The following PMS1 variants were observed in gnomAD, a reference collection of about 807,000 sequenced individuals.
The protein encoded by PMS1 is PMS1 homolog 1, mismatch repair system component, also known as PMS1 protein homolog 1.
In PMS1, 79 loss-of-function variants were observed where a neutral mutation model predicts 93.1. The ratio of observed to expected loss-of-function variants is 0.85; its 90% CI spans 0.71 to 1.02. PMS1 has a LOEUF of 1.02. Among genes scored for constraint, PMS1 ranks in the 50% least tolerant of loss-of-function variants. The probability of loss-of-function intolerance (pLI) is 0.00; values close to 1 mark genes in which losing one functional copy is unlikely to be tolerated. For synonymous variants in PMS1, 335 were observed against 363.4 expected (o/e 0.92, Z 0.89); for missense variants, 1,064 against 1,085.3 (o/e 0.98, Z 0.28).
intron 4 of PMS1, among the ~76,000 whole-genome samples, chr2:189,813,442 T>G (rs770990196): frequency 2.0e-5 from 3 of 152,214 alleles, no homozygotes; most frequent in Non-Finnish European, 4.4e-5. Flanking sequence ...GATGCACATT[T>G]TGTCACACTT....
At chr2:189,828,149 C>T (rs955703681) in intron 5 of PMS1, among the ~76,000 whole-genome samples, 2 of 152,132 alleles carry the variant, frequency 1.3e-5, no homozygotes, top group Non-Finnish European at 2.9e-5. Context: ...TGGTCTCGAT[C>T]TCCTGACCTC....
At chr2:189,853,515 C>CTTTTTTTTTT (rs1160834468) in intron 7 of PMS1, among the ~76,000 whole-genome samples, 3 of 142,078 alleles carry the variant, frequency 2.1e-5, no homozygotes, top group African/African-American at 8.7e-5. Context: ...CTTTTCTTTT[C>CTTTTTTTTTT]TTTTCTTTTT....
In PMS1 at chr2:189,805,678, T is replaced by C. The variant is rs1327365171; in HGVS notation, c.342T>C (p.Ala114=). Reference sequence around the variant, plus strand: ...TTTTAATTACAACAAGAACGGCTGCTGATAATTTTAGCACCCAGTATGTTT... The same window carrying C: ...TTTTAATTACAACAAGAACGGCTGCCGATAATTTTAGCACCCAGTATGTTT... ...AEVLITTRTA[A]DNFSTQYVLD... The change falls in exon 4 of 13, where the codon GCT becomes GCC. Residue 114 remains alanine, a synonymous_variant. Coordinates refer to ENST00000441310, the MANE Select transcript of PMS1 (RefSeq NM_000534.5). The C allele has an allele frequency of 6.2e-6, 10 of 1,613,900 alleles. No homozygotes were observed. In the South Asian group the frequency reaches 9.9e-5, roughly 16 times the overall value.
Position 189,822,080 on chromosome 2 carries a change from G to A in PMS1, c.582+3900G>A, listed in dbSNP as rs569612985. On this transcript the variant is annotated intron_variant, in intron 5 of 12. Transcript: ENST00000441310. Reference sequence around the variant, plus strand: ...CGGGCCTCCACCTCCCCCTGCCTGCGCGTGTCCTGCGTGAGAGGGCAGAGG... The same window carrying A: ...CGGGCCTCCACCTCCCCCTGCCTGCACGTGTCCTGCGTGAGAGGGCAGAGG... 1.1e-3 allele frequency among the ~76,000 whole-genome samples: 162 copies of A among 152,316 alleles called. 1 individual carries two copies. The highest frequency in any genetic ancestry group is 8.1e-3 in the Admixed American group (124 of 15,308).
At chr2:189,799,834 T>G (rs1012770774) in intron 3 of PMS1, among the ~76,000 whole-genome samples, 1 of 151,626 alleles carries the variant, frequency 6.6e-6, no homozygotes, top group Non-Finnish European at 1.5e-5. Context: ...CTGGTTGAGG[T>G]GTTATAAACG....
At chr2:189,801,602 G>T (rs972434827) in intron 3 of PMS1, among the ~76,000 whole-genome samples, 1 of 152,158 alleles carries the variant, frequency 6.6e-6, no homozygotes, top group Non-Finnish European at 1.5e-5. Context: ...TAGAAATACA[G>T]AACAGTTTAT....
intron 9 of PMS1, among the ~76,000 whole-genome samples, chr2:189,856,884 G>A (rs2055390475): frequency 6.6e-6 from 1 of 152,012 alleles, no homozygotes; most frequent in African/African-American, 2.4e-5. Context: ...TGATTAATAG[G>A]CCTCATCTAA....
chr2:189,849,137 A>T (rs2054489595), intron 6 of PMS1, among the ~76,000 whole-genome samples: 1 of 151,974 alleles, frequency 6.6e-6, no homozygotes, highest in Non-Finnish European at 1.5e-5. Flanking sequence ...CCCACATGGG[A>T]AGAACTAATT....
intron 5 of PMS1, among the ~76,000 whole-genome samples, chr2:189,838,912 A>G (rs1391421352): frequency 6.6e-6 from 1 of 152,136 alleles, no homozygotes; most frequent in Non-Finnish European, 1.5e-5. Context: ...CTATCGGAAT[A>G]TTTTTTGAAT....
intron 10 of PMS1, among the ~76,000 whole-genome samples, chr2:189,864,828 C>G (rs1170294020): frequency 1.4e-5 from 2 of 146,850 alleles, no homozygotes; most frequent in African/African-American, 5.0e-5. Flanking sequence ...GCTCATTTCT[C>G]TGGTACATTA....
At chr2:189,859,482 A>G (rs1028629058) in intron 9 of PMS1, among the ~76,000 whole-genome samples, 2 of 152,168 alleles carry the variant, frequency 1.3e-5, no homozygotes, top group African/African-American at 2.4e-5. Context: ...GGAATCACCT[A>G]TGGAGCTCTG....
intron 3 of PMS1, among the ~76,000 whole-genome samples, chr2:189,800,986 C>G (rs542456793): frequency 6.6e-6 from 1 of 152,212 alleles, no homozygotes; most frequent in East Asian, 1.9e-4. Flanking sequence ...CTTAAACAGT[C>G]CAAAGAAGTA....
At chr2:189,805,799 C>T (rs757451303) in intron 4 of PMS1, 45 bp downstream of exon 4, 8 of 1,605,648 alleles carry the variant, frequency 5.0e-6, no homozygotes, top group African/African-American at 1.4e-5. Flanking sequence ...CCTTTTCTGT[C>T]TTAATTGTTG....
chr2:189,797,032 T>G (rs960481296), intron 3 of PMS1, among the ~76,000 whole-genome samples: 12 of 152,228 alleles, frequency 7.9e-5, no homozygotes, highest in Non-Finnish European at 1.3e-4. Context: ...TTTACTATAT[T>G]CAAGCACATT....
intron 6 of PMS1, among the ~76,000 whole-genome samples, chr2:189,845,594 C>T (rs2054187814): frequency 1.3e-5 from 2 of 151,908 alleles, no homozygotes; most frequent in South Asian, 4.2e-4. Flanking sequence ...TCTTAGACCC[C>T]ACTTATTTCT....
chr2:189,834,595 A>G (rs1410220969), intron 5 of PMS1, among the ~76,000 whole-genome samples: 2 of 152,386 alleles, frequency 1.3e-5, no homozygotes, highest in African/African-American at 2.4e-5. Context: ...TCCGATGTAA[A>G]TAAGATTTGA....
At chr2:189,844,786 T>G (rs2054118124) in intron 6 of PMS1, among the ~76,000 whole-genome samples, 1 of 151,988 alleles carries the variant, frequency 6.6e-6, no homozygotes, top group Non-Finnish European at 1.5e-5. Context: ...ACTTTTCTTC[T>G]TACTCCTTCC....
rs139414606 is a variant in PMS1, at chr2:189,795,923, C to T, written c.287C>T (p.Ala96Val). Residue 96 changes from alanine to valine, a missense_variant, in exon 3 of 13, where the codon GCC becomes GTC. Physicochemically the swap from Ala to Val is moderately conservative, Grantham distance 64. Coordinates refer to ENST00000441310, the MANE Select transcript of PMS1 (RefSeq NM_000534.5). ...NLTTYGFRGE[A>V]LGSICCIAEV... is the part of the protein sequence containing the mutation. ...ACAACTTACGGTTTTCGTGGAGAAG[C>T]CTTGGGGTCAATTTGTTGTATAGCT... is the stretch of plus-strand genomic sequence containing the variant. The T allele has an allele frequency of 6.2e-7, 1 of 1,612,606 alleles. No homozygotes were observed. The highest frequency in any genetic ancestry group is 8.5e-7 in the Non-Finnish European group (1 of 1,178,892).
chr2:189,789,961 C>T (rs1470282490), intron 1 of PMS1, among the ~76,000 whole-genome samples: 11 of 152,076 alleles, frequency 7.2e-5, no homozygotes, highest in African/African-American at 2.4e-4. Flanking sequence ...TTCCATAGGA[C>T]GTTTTTGGAT....
Sources: gnomAD v4.1 joint callset for allele counts (sites outside exome capture counted in the v4.1 genomes callset) on GRCh38, gnomAD v4.1.1 for gene constraint, MANE v1.5 for transcripts, NCBI Gene and HGNC (gene_info 2026-07-23, HGNC 2026-07-21) for gene names.